PKHD1: variants seen among roughly 807,000 people sequenced by gnomAD.
PKHD1 encodes the protein PKHD1 ciliary IPT domain containing fibrocystin/polyductin.
PKHD1 carries 291 observed loss-of-function variants against 412.0 expected under a neutral mutation model. The observed-to-expected ratio is 0.71, with a 90% CI of 0.64 to 0.78. The LOEUF (loss-of-function observed/expected upper bound fraction) is 0.78, where lower values mean the gene tolerates loss of function less well. Ranked by LOEUF, PKHD1 falls within the 30% of genes least tolerant of loss-of-function variation. The pLI is 0.00. For synonymous variants in PKHD1, 1,777 were observed against 1,821.5 expected (o/e 0.98, Z 0.62); for missense variants, 4,825 against 4,950.7 (o/e 0.97, Z 0.76).
chr6:51,963,985 G>C (rs1040534867), intron 35 of PKHD1, among the ~76,000 whole-genome samples: 6 of 152,142 alleles, frequency 3.9e-5, no homozygotes, highest in African/African-American at 1.4e-4. Context: ...TATGGGGGCA[G>C]CCGTGAAAAT....
intron 55 of PKHD1, among the ~76,000 whole-genome samples, chr6:51,762,645 TCA>T (rs200717442): frequency 0.36 from 47,931 of 131,998 alleles, 9,459 homozygotes; most frequent in East Asian, 0.7. Context: ...CTACCATTAT[TCA>T]CATATATATA....
intron 35 of PKHD1, among the ~76,000 whole-genome samples, chr6:51,989,915 G>GGAAGGAAGGAAGGAAGGAAA (rs1562072515): frequency 1.1e-5 from 1 of 87,700 alleles, no homozygotes; most frequent in Non-Finnish European, 2.3e-5. Context: ...AAGGAAGGAA[G>GGAAGGAAGGAAGGAAGGAAA]GAAGGAAGGA....
chr6:51,934,117 A>T lies in PKHD1; in HGVS notation c.6114T>A (p.Ser2038=), dbSNP rs527565899. ...ATCAATTGCCTCACTCACCGTGCAG[A>T]GAAAGAGTTCCATTCCTCACAGCCA... ...KFLAVRNGTL[S]LHGSLPEVIV... Residue 2038 remains serine, a synonymous_variant, in exon 37 of 67, where the codon TCT becomes TCA. Transcript: ENST00000371117. 1 of 1,610,668 alleles carries T rather than the reference A, an allele frequency of 6.2e-7. No individual in the cohort carries two copies. Among genetic ancestry groups the T allele is most frequent in the Non-Finnish European group, 8.5e-7 (1 of 1,176,782 alleles).
At chr6:51,941,623 C>T (rs574684306) in intron 36 of PKHD1, among the ~76,000 whole-genome samples, 5 of 151,740 alleles carry the variant, frequency 3.3e-5, no homozygotes, top group South Asian at 4.1e-4. Context: ...TAAAACCAGA[C>T]AAGGCTTACA....
rs368230677 is a variant in PKHD1, at chr6:52,010,355, G to T, written c.5705C>A (p.Thr1902Asn). The change falls in exon 35 of 67, where the codon ACC becomes AAC. Residue 1902 changes from threonine (T) to asparagine (N), a missense_variant. By Grantham distance (65) the Thr-to-Asn change is moderately conservative. Coordinates refer to ENST00000371117, the MANE Select transcript of PKHD1 (RefSeq NM_138694.4). ...MECETPNQPITVKITEIRKRW... is the reference protein window; with the variant it reads ...MECETPNQPINVKITEIRKRW... Reference sequence around the variant, plus strand: ...TTTCCGTATCTCAGTAATCTTGACGGTAATTGGCTGATTGGGCGTCTCACA... The same window carrying T: ...TTTCCGTATCTCAGTAATCTTGACGTTAATTGGCTGATTGGGCGTCTCACA... 3.1e-6 allele frequency: 5 copies of T among 1,613,606 alleles called. No homozygotes were observed. The highest frequency in any genetic ancestry group is 4.2e-6 in the Non-Finnish European group (5 of 1,179,640).
chr6:51,774,285 A>C (rs1156577294), intron 54 of PKHD1, among the ~76,000 whole-genome samples: 2 of 152,038 alleles, frequency 1.3e-5, no homozygotes, highest in Non-Finnish European at 2.9e-5. Context: ...ATACTACAAA[A>C]ATTTGAGCAT....
chr6:52,018,026 A>G lies in PKHD1; in HGVS notation c.5381-397T>C, dbSNP rs941143032. 4.6e-5 allele frequency among the ~76,000 whole-genome samples: 7 copies of G among 152,280 alleles called. No individual in the cohort carries two copies. The South Asian group carries it at 6.2e-4, about 14-fold the overall frequency. ...GAGATTGAGTTTTCCTTGTTTTTGA[A>G]CTTTATAAAATATGATACATGATAA... On this transcript the variant is annotated intron_variant, in intron 33 of 66. Transcript: ENST00000371117.
rs1461472339 is a variant in PKHD1 at position 52,066,016 on chromosome 6, T to G, written c.840A>C (p.Thr280=). 2 of 1,603,214 alleles carry G rather than the reference T, an allele frequency of 1.2e-6. No individual in the cohort carries two copies. Among genetic ancestry groups the G allele is most frequent in the Admixed American group, 1.7e-5 (1 of 59,982 alleles). The change falls in exon 12 of 67, where the codon ACA becomes ACC. Residue 280 remains threonine, a synonymous_variant. Coordinates refer to ENST00000371117, the MANE Select transcript of PKHD1 (RefSeq NM_138694.4). The part of the protein sequence containing the change: ...SLGGRTNITI[T]GDFFDNSAQV... ...GGGCAGAATTGTCAAAAAAGTCTCC[T>G]GTAATTGTGATGTTTGTTCTTCCCC...
chr6:52,038,414 A>T (rs1222531214), intron 27 of PKHD1, among the ~76,000 whole-genome samples: 2 of 150,498 alleles, frequency 1.3e-5, no homozygotes, highest in African/African-American at 4.9e-5. Flanking sequence ...TGCAAGGGGG[A>T]AATTTGGACA....
At chr6:51,822,073 G>A (rs1267705852) in intron 52 of PKHD1, among the ~76,000 whole-genome samples, 1 of 152,178 alleles carries the variant, frequency 6.6e-6, no homozygotes, top group African/African-American at 2.4e-5. Flanking sequence ...TGGTGGGACT[G>A]AGCCTATTAC....
chr6:51,781,962 T>TA (rs35073244), intron 53 of PKHD1, among the ~76,000 whole-genome samples: 12 of 148,792 alleles, frequency 8.1e-5, no homozygotes, highest in South Asian at 4.2e-4. Context: ...GTTTTCTAAC[T>TA]AAAAAAAAAA....
At chr6:52,015,601 G>T (rs1581753785) in intron 34 of PKHD1, among the ~76,000 whole-genome samples, 1 of 152,246 alleles carries the variant, frequency 6.6e-6, no homozygotes, top group East Asian at 1.9e-4. Context: ...GAGGTGGGCA[G>T]ATCATGAGGT....
chr6:51,712,049 T>C (rs1286947241), intron 60 of PKHD1, among the ~76,000 whole-genome samples: 4 of 152,186 alleles, frequency 2.6e-5, no homozygotes, highest in Non-Finnish European at 5.9e-5. Flanking sequence ...AATAATAAGC[T>C]TTATCTAGTC....
intron 60 of PKHD1, chr6:51,721,968 T>C (rs373701168): frequency 6.2e-7 from 1 of 1,613,416 alleles, no homozygotes; most frequent in Admixed American, 1.7e-5. Context: ...AAAGTTCAGC[T>C]TCCTGCAGGC....
intron 53 of PKHD1, among the ~76,000 whole-genome samples, chr6:51,787,948 A>G (rs1793146737): frequency 6.6e-6 from 1 of 152,354 alleles, no homozygotes; most frequent in South Asian, 2.1e-4. Context: ...ATATCTCTCA[A>G]TTAATTGGAT....
chr6:51,702,919 C>A (rs1582170368), intron 60 of PKHD1, among the ~76,000 whole-genome samples: 2 of 135,940 alleles, frequency 1.5e-5, no homozygotes, highest in Admixed American at 7.8e-5. Flanking sequence ...CTTGCGGTTA[C>A]CTTCAATTAA....
chr6:51,643,416 C>T (rs937857712), intron 63 of PKHD1, among the ~76,000 whole-genome samples: 1 of 151,750 alleles, frequency 6.6e-6, no homozygotes, highest in Non-Finnish European at 1.5e-5. Flanking sequence ...TGACCAGGAG[C>T]AACAATATGA....
At chr6:51,624,099 A>G (rs1358595470) in intron 66 of PKHD1, among the ~76,000 whole-genome samples, 1 of 151,982 alleles carries the variant, frequency 6.6e-6, no homozygotes, top group East Asian at 1.9e-4. Flanking sequence ...TATGTTGCCC[A>G]GGTTGGAGTG....
intron 49 of PKHD1, among the ~76,000 whole-genome samples, chr6:51,855,258 G>A (rs147104586): frequency 6.6e-6 from 1 of 152,324 alleles, no homozygotes; most frequent in East Asian, 1.9e-4. Context: ...ATTTTGATAA[G>A]AGAACCTGGA....
Sources: allele counts gnomAD v4.1 joint callset (sites outside exome capture counted in the v4.1 genomes callset), GRCh38; gene constraint gnomAD v4.1.1; transcripts MANE v1.5; gene names NCBI Gene and HGNC (gene_info 2026-07-23, HGNC 2026-07-21).